DCLK1: variants seen among roughly 807,000 people sequenced by gnomAD.
DCLK1 encodes the protein doublecortin like kinase 1.
In DCLK1, 16 loss-of-function variants were observed where a neutral mutation model predicts 86.2. The observed-to-expected ratio is 0.19, with a 90% confidence interval of 0.13 to 0.28. The LOEUF is 0.28. Ranked by LOEUF, DCLK1 falls within the 10% of genes least tolerant of loss-of-function variation. The pLI, the probability that DCLK1 is intolerant of heterozygous loss-of-function variation, is 1.00. For missense variants in DCLK1, 590 were observed against 940.2 expected (o/e 0.63, Z 4.87); for synonymous variants, 369 against 370.5 (o/e 1.00, Z 0.05).
At chr13:35,784,739 G>T (rs1265551432) in intron 16 of DCLK1, among the ~76,000 whole-genome samples, 3 of 152,086 alleles carry the variant, frequency 2.0e-5, no homozygotes, top group African/African-American at 7.2e-5. Flanking sequence ...TGCTCTGGCT[G>T]TCCCCGGGGA....
intron 4 of DCLK1, among the ~76,000 whole-genome samples, chr13:35,930,563 G>T (rs1046852491): frequency 6.6e-6 from 1 of 152,142 alleles, no homozygotes; most frequent in African/African-American, 2.4e-5. Context: ...TCATGTCACT[G>T]CACTCCAGCC....
At chr13:35,860,930 G>A (rs1871346407) in intron 5 of DCLK1, among the ~76,000 whole-genome samples, 1 of 152,152 alleles carries the variant, frequency 6.6e-6, no homozygotes, top group Non-Finnish European at 1.5e-5. Flanking sequence ...CCAAGTGAGA[G>A]GAATAAAGGG....
rs182448860 is a variant in DCLK1 at position 36,108,973 on chromosome 13, T to C, written c.723+2896A>G. On this transcript the variant is annotated intron_variant, in intron 3 of 16. Coordinates refer to ENST00000360631, the MANE Select transcript of DCLK1 (RefSeq NM_001330071.2). ...GGAAACTGATTTATTCTCAGAGGCTTATCAAGCCTCAGTCTCTGCCAGGGT... is the reference window on the plus strand; with the variant it reads ...GGAAACTGATTTATTCTCAGAGGCTCATCAAGCCTCAGTCTCTGCCAGGGT... Among the ~76,000 whole-genome samples, 29 of 152,310 alleles carry C rather than the reference T, an allele frequency of 1.9e-4. No individual in the cohort carries two copies. In the East Asian group the frequency reaches 5.6e-3, roughly 29 times the overall value.
chr13:35,961,135 A>AGACTT (rs1199690615), intron 3 of DCLK1, among the ~76,000 whole-genome samples: 1 of 152,212 alleles, frequency 6.6e-6, no homozygotes, highest in Non-Finnish European at 1.5e-5. Flanking sequence ...CATGAATGGG[A>AGACTT]GACTTGAGTC....
chr13:35,855,565 C>A, intron 5 of DCLK1: 1 of 1,594,564 alleles, frequency 6.3e-7, no homozygotes, highest in Non-Finnish European at 8.6e-7. Context: ...ATACCAACGG[C>A]GGAATCCCGT....
At chr13:35,842,085 C>T (rs1031748561) in intron 6 of DCLK1, among the ~76,000 whole-genome samples, 1 of 151,612 alleles carries the variant, frequency 6.6e-6, no homozygotes, top group African/African-American at 2.4e-5. Flanking sequence ...AAAAATTAGC[C>T]AGGCATGGTG....
At chr13:35,894,424 C>T (rs1168576274) in intron 4 of DCLK1, among the ~76,000 whole-genome samples, 3 of 152,146 alleles carry the variant, frequency 2.0e-5, no homozygotes, top group South Asian at 2.1e-4. Context: ...TGGCACCCTA[C>T]CTAGGAAGGG....
In DCLK1 at chr13:35,812,781, T is replaced by A. The variant is rs2087175280; in HGVS notation, c.1555-1813A>T. On this transcript the variant is annotated intron_variant, in intron 11 of 16. Transcript: ENST00000360631. ...AGTTTGGGCTGCCCTCTGGCAGGTATCCGAAGATTTGTGAGGTCACCTGTG... is the reference window on the plus strand; with the variant it reads ...AGTTTGGGCTGCCCTCTGGCAGGTAACCGAAGATTTGTGAGGTCACCTGTG... Among the ~76,000 whole-genome samples the A allele has an allele frequency of 2.0e-5, 3 of 152,330 alleles. No individual in the cohort carries two copies. In the South Asian group the frequency reaches 6.2e-4, roughly 32 times the overall value.
chr13:36,021,130 A>G (rs1193701171), intron 3 of DCLK1, among the ~76,000 whole-genome samples: 1 of 152,116 alleles, frequency 6.6e-6, no homozygotes, highest in African/African-American at 2.4e-5. Flanking sequence ...AAGGAGAAAG[A>G]GCTATATTGG....
intron 4 of DCLK1, among the ~76,000 whole-genome samples, chr13:35,882,160 T>C (rs886975009): frequency 1.3e-5 from 2 of 152,126 alleles, no homozygotes; most frequent in Admixed American, 1.3e-4. Flanking sequence ...CCTTGTCGCT[T>C]ATAGTTTCTG....
rs760982234 is a variant in DCLK1 at position 35,846,338 on chromosome 13, A to T, written c.1036-7162T>A. ...ACTGATGAGTATCAACTCCTCAAAA[A>T]CACATCACAGAAAGTTAACTTTCAT... On this transcript the variant is annotated intron_variant, in intron 6 of 16. Transcript: ENST00000360631. 1.2e-5 allele frequency: 12 copies of T among 985,358 alleles called. No individual in the cohort carries two copies. In the East Asian group the frequency reaches 1.4e-3, roughly 112 times the overall value. 61.0% of individuals were successfully genotyped at this position (985,358 alleles called of 1,614,324 possible). A position where few individuals can be genotyped will look rare whatever the true frequency, so the allele number is the denominator to read the frequency against.
chr13:35,780,106 G>A (rs2068335), intron 16 of DCLK1, among the ~76,000 whole-genome samples: 22,073 of 152,000 alleles, frequency 0.15, 1,983 homozygotes, highest in East Asian at 0.34. Flanking sequence ...AGGCAGGGGA[G>A]TCCTCAAGAG....
chr13:35,773,869 TC>T lies in DCLK1; in HGVS notation c.*665del, dbSNP rs3833804. 0.21 allele frequency: 31,235 copies of T among 152,276 alleles called. 3,892 individuals are homozygous for T. The highest frequency in any genetic ancestry group is 0.49 in the East Asian group (2,490 of 5,122). The allele number at this position is 152,276 out of a possible 1,614,324, so 9.4% of individuals were successfully genotyped here. A position where few individuals can be genotyped will look rare whatever the true frequency, so the allele number is the denominator to read the frequency against. On this transcript the variant is annotated 3_prime_UTR_variant, in exon 17 of 17. Coordinates refer to ENST00000360631, the MANE Select transcript of DCLK1 (RefSeq NM_001330071.2). ...GACAATTTGGGGGGCACCATCTATTTCCTGGGTCAAGCTCTTTGCCACAAAC... is the reference window on the plus strand; with the variant it reads ...GACAATTTGGGGGGCACCATCTATTTCTGGGTCAAGCTCTTTGCCACAAAC...
intron 3 of DCLK1, among the ~76,000 whole-genome samples, chr13:36,069,992 C>A (rs1176465656): frequency 6.6e-6 from 1 of 152,064 alleles, no homozygotes; most frequent in Non-Finnish European, 1.5e-5. Context: ...TCTTTGAGGG[C>A]CAACTTTATG....
chr13:36,116,482 G>A (rs1225875748), intron 2 of DCLK1, among the ~76,000 whole-genome samples: 2 of 152,112 alleles, frequency 1.3e-5, no homozygotes, highest in African/African-American at 4.8e-5. Flanking sequence ...CTATAAAAGT[G>A]TTCCTCCACG....
Position 35,808,213 on chromosome 13 carries a change from T to TTCCTCTTTGCAAA in DCLK1, c.1863+10_1863+11insTTTGCAAAGAGGA. The TTCCTCTTTGCAAA allele has an allele frequency of 6.2e-7, 1 of 1,612,628 alleles. No homozygotes were observed. The highest frequency in any genetic ancestry group is 8.5e-7 in the Non-Finnish European group (1 of 1,178,656). Reference sequence around the variant, plus strand: ...CAGAATATAGGGAAGAGGAAGGCACTGGACACCTACCTTTGCAGAATCGGA... The same window carrying TTCCTCTTTGCAAA: ...CAGAATATAGGGAAGAGGAAGGCACTTCCTCTTTGCAAAGGACACCTACCTTTGCAGAATCGGA... On this transcript the variant is annotated intron_variant, in intron 14 of 16. Transcript: ENST00000360631.
At chr13:36,008,495 T>G (rs1881123327) in intron 3 of DCLK1, among the ~76,000 whole-genome samples, 1 of 124,544 alleles carries the variant, frequency 8.0e-6, no homozygotes, top group Non-Finnish European at 1.6e-5. Context: ...GTTCTTGCGA[T>G]AGTTTACTGA....
rs1342984400 is a variant in DCLK1, at chr13:35,836,122, G to A, written c.1140C>T (p.Phe380=). ...GPGEEVSEEG[F]QIPATITERY... ...GTTCTGTTATTGTAGCTGGAATCTG[G>A]AAGCCTTCCTCCGACACTTCTGAAA... Residue 380 remains phenylalanine, a synonymous_variant, in exon 8 of 17, where the codon TTC becomes TTT. Transcript: ENST00000360631. 6.8e-5 allele frequency: 109 copies of A among 1,612,156 alleles called. No individual in the cohort carries two copies. In the Admixed American group the frequency reaches 1.8e-3, roughly 27 times the overall value.
intron 6 of DCLK1, chr13:35,845,911 C>G (rs2153108992): frequency 1.0e-6 from 1 of 984,906 alleles, no homozygotes; most frequent in Middle Eastern, 5.2e-4. Context: ...GCAGTTTTTC[C>G]TGTTTATTAT....
Sources: gnomAD v4.1 joint callset for allele counts (sites outside exome capture counted in the v4.1 genomes callset) on GRCh38, gnomAD v4.1.1 for gene constraint, MANE v1.5 for transcripts, NCBI Gene and HGNC (gene_info 2026-07-23, HGNC 2026-07-21) for gene names.